CAPZB: variants seen among roughly 807,000 people sequenced by gnomAD.
CAPZB encodes capping actin protein of muscle Z-line subunit beta.
In CAPZB, 2 loss-of-function variants were observed where a neutral mutation model predicts 38.1. The observed-to-expected ratio is 0.05, with a 90% CI of 0.02 to 0.17. The LOEUF is 0.17. CAPZB is among the 10% of genes least tolerant of loss of function. The pLI is 1.00. For missense variants in CAPZB, 161 were observed against 334.2 expected (o/e 0.48, Z 4.04); for synonymous variants, 107 against 127.4 (o/e 0.84, Z 1.08).
chr1:19,480,231 T>G (rs1180001103), intron 1 of CAPZB, among the ~76,000 whole-genome samples: 2 of 152,196 alleles, frequency 1.3e-5, no homozygotes, highest in Admixed American at 1.3e-4. Context: ...GTGTCCCTTA[T>G]TCTGTGGTAT....
intron 2 of CAPZB, among the ~76,000 whole-genome samples, chr1:19,390,672 G>A (rs912857965): frequency 6.6e-6 from 1 of 152,088 alleles, no homozygotes; most frequent in Non-Finnish European, 1.5e-5. Context: ...TACCCAGGAG[G>A]CCACTGGAAA....
chr1:19,478,473 G>A (rs998793161), intron 1 of CAPZB, among the ~76,000 whole-genome samples: 2 of 152,148 alleles, frequency 1.3e-5, no homozygotes, highest in Non-Finnish European at 2.9e-5. Flanking sequence ...GACACGTGAC[G>A]ACACAACTGA....
chr1:19,441,765 T>C (rs2094477388), intron 1 of CAPZB, among the ~76,000 whole-genome samples: 1 of 151,562 alleles, frequency 6.6e-6, no homozygotes, highest in Admixed American at 6.6e-5. Flanking sequence ...CCCAGCACTT[T>C]GGGAGGCCGA....
intron 1 of CAPZB, among the ~76,000 whole-genome samples, chr1:19,443,608 ATTG>A (rs61437002): frequency 1.1e-4 from 16 of 151,798 alleles, no homozygotes; most frequent in South Asian, 8.4e-4. Context: ...TGCTTAAGTT[ATTG>A]TTGTTGTTGT....
intron 4 of CAPZB, among the ~76,000 whole-genome samples, chr1:19,375,106 A>G (rs1453865454): frequency 1.3e-5 from 2 of 152,200 alleles, no homozygotes; most frequent in Non-Finnish European, 2.9e-5. Context: ...GGCCACCAAC[A>G]GCCTCGCGGG....
chr1:19,407,864 C>T (rs893334782), intron 2 of CAPZB, among the ~76,000 whole-genome samples: 1 of 152,164 alleles, frequency 6.6e-6, no homozygotes, highest in African/African-American at 2.4e-5. Flanking sequence ...GGGAGAGACC[C>T]TCACCAGGGC....
At chr1:19,448,671 T>C (rs2094504210) in intron 1 of CAPZB, among the ~76,000 whole-genome samples, 1 of 152,210 alleles carries the variant, frequency 6.6e-6, no homozygotes, top group African/African-American at 2.4e-5. Flanking sequence ...GGGCAAAAAG[T>C]TGTCACCTAG....
At chr1:19,388,354 C>T (rs1159653674) in intron 2 of CAPZB, among the ~76,000 whole-genome samples, 2 of 152,056 alleles carry the variant, frequency 1.3e-5, no homozygotes, top group Non-Finnish European at 2.9e-5. Flanking sequence ...GTGCCTGACA[C>T]ACAGCAAATG....
chr1:19,438,302 T>C (rs1281177850), intron 1 of CAPZB, among the ~76,000 whole-genome samples: 2 of 152,066 alleles, frequency 1.3e-5, no homozygotes, highest in East Asian at 3.9e-4. Flanking sequence ...ACACAAGCCA[T>C]CCAGTTGTGC....
intron 2 of CAPZB, among the ~76,000 whole-genome samples, chr1:19,403,761 T>C (rs1249070457): frequency 3.3e-5 from 5 of 152,178 alleles, no homozygotes; most frequent in Non-Finnish European, 7.3e-5. Context: ...GATTGGGACA[T>C]ACCTTCACCC....
intron 7 of CAPZB, 149 bp downstream of exon 7, chr1:19,345,038 G>A (rs1454288902): frequency 1.1e-5 from 7 of 665,868 alleles, no homozygotes; most frequent in Non-Finnish European, 1.8e-5. Flanking sequence ...CCAAAAATAT[G>A]AGGCCAGGGC....
At chr1:19,352,645 A>C (rs904509818) in intron 6 of CAPZB, among the ~76,000 whole-genome samples, 13 of 152,184 alleles carry the variant, frequency 8.5e-5, no homozygotes, top group Admixed American at 1.3e-4. Flanking sequence ...ACACACATCC[A>C]CAAGCCTGGG....
chr1:19,344,894 C>T (rs567912680), intron 7 of CAPZB, among the ~76,000 whole-genome samples: 2 of 152,356 alleles, frequency 1.3e-5, no homozygotes, highest in Admixed American at 1.3e-4. Flanking sequence ...CTGTTCACAC[C>T]CAGGCGATCA....
chr1:19,453,272 GTTTT>G (rs1349748982), intron 1 of CAPZB, among the ~76,000 whole-genome samples: 11 of 151,534 alleles, frequency 7.3e-5, no homozygotes, highest in African/African-American at 2.7e-4. Context: ...TTTTTGTTTT[GTTTT>G]TTTGAGTTGG....
chr1:19,431,741 TAAAAAATAA>T (rs1558255814), intron 1 of CAPZB, among the ~76,000 whole-genome samples: 1 of 106,726 alleles, frequency 9.4e-6, no homozygotes, highest in Non-Finnish European at 2.1e-5. Context: ...AAATAAAAAA[TAAAAAATAA>T]AAAAAAAGAA....
chr1:19,384,249 C>A (rs143240236), intron 3 of CAPZB, among the ~76,000 whole-genome samples: 1 of 152,282 alleles, frequency 6.6e-6, no homozygotes, highest in Non-Finnish European at 1.5e-5. Context: ...GCCCCCACTG[C>A]CCTCCCCTCA....
chr1:19,449,256 C>T lies in CAPZB; in HGVS notation c.4-29506G>A, dbSNP rs185914806. On this transcript the variant is annotated intron_variant, in intron 1 of 8. Transcript: ENST00000264202. ...ACAGGAACAAAGTGGGGTCTTGACA[C>T]TTGAAAATTCCGATGACAGCCAGAA... 1.8e-3 allele frequency: 1,965 copies of T among 1,077,506 alleles called. 21 individuals are homozygous for T. In the African/African-American group the frequency reaches 0.028, roughly 15 times the overall value. 66.7% of individuals were successfully genotyped at this position (1,077,506 alleles called of 1,614,324 possible). A position where few individuals can be genotyped will look rare whatever the true frequency, so the allele number is the denominator to read the frequency against.
chr1:19,472,459 C>A (rs1558293280), intron 1 of CAPZB, among the ~76,000 whole-genome samples: 1 of 152,146 alleles, frequency 6.6e-6, no homozygotes, highest in Non-Finnish European at 1.5e-5. Flanking sequence ...GGGCAAGGAA[C>A]CAGCTGGTCC....
At chr1:19,481,692 G>A (rs139708719) in intron 1 of CAPZB, among the ~76,000 whole-genome samples, 6 of 152,294 alleles carry the variant, frequency 3.9e-5, no homozygotes, top group South Asian at 4.1e-4. Flanking sequence ...AGCGGACTGC[G>A]TGCACGTGCA....
Sources: allele counts gnomAD v4.1 joint callset (sites outside exome capture counted in the v4.1 genomes callset), GRCh38; gene constraint gnomAD v4.1.1; transcripts MANE v1.5; gene names NCBI Gene and HGNC (gene_info 2026-07-23, HGNC 2026-07-21).